Variants in WDPCP observed in about 807,000 individuals in gnomAD.
WDPCP encodes the protein WD repeat containing planar cell polarity effector.
WDPCP carries 71 observed loss-of-function variants against 93.1 expected under a neutral mutation model. The ratio of observed to expected loss-of-function variants is 0.76; its 90% CI spans 0.63 to 0.93. WDPCP has a LOEUF of 0.93. Ranked by LOEUF, WDPCP falls within the 40% of genes least tolerant of loss-of-function variation. The probability of loss-of-function intolerance (pLI) is 0.00; values close to 1 mark genes in which losing one functional copy is unlikely to be tolerated. For missense variants in WDPCP, 844 were observed against 887.4 expected (o/e 0.95, Z 0.62); for synonymous variants, 315 against 315.0 (o/e 1.00, Z 0.00).
rs538273466 is a variant in WDPCP, at chr2:63,609,236, G to A, written n.488+41423C>T. On this transcript the variant is annotated intron_variant and non_coding_transcript_variant, in intron 3 of 4. Coordinates refer to the WDPCP transcript ENST00000467687. ...ACAAAAATTAGTCGGGCATGGTGGC[G>A]CATGCCTGTAATCCCAGCTACTCAG... Among the ~76,000 whole-genome samples the A allele has an allele frequency of 4.7e-4, 72 of 152,100 alleles. 1 individual carries two copies. The highest frequency in any genetic ancestry group is 3.4e-3 in the Middle Eastern group (1 of 292).
At position 63,665,348 on chromosome 2, in the gene WDPCP, A is replaced by G. The variant is rs189833124; in HGVS notation, n.309-14510T>C. On this transcript the variant is annotated intron_variant and non_coding_transcript_variant, in intron 2 of 4. Coordinates refer to the WDPCP transcript ENST00000467687. The stretch of plus-strand genomic sequence containing the variant: ...CTGATGTTCCTTGGCCTGTAAATGC[A>G]TCGTCCCAATCTCTGCCTTCACATG... 2.0e-5 allele frequency among the ~76,000 whole-genome samples: 3 copies of G among 152,300 alleles called. No individual in the cohort carries two copies. The East Asian group carries it at 5.8e-4, about 29-fold the overall frequency.
At chr2:63,211,061 ACTT>A (rs1559206492) in intron 14 of WDPCP, among the ~76,000 whole-genome samples, 2 of 152,194 alleles carry the variant, frequency 1.3e-5, no homozygotes, top group African/African-American at 2.4e-5. Context: ...GGCAGCAGAA[ACTT>A]CTGCAGACTT....
At chr2:63,286,042 C>G (rs998721695) in intron 13 of WDPCP, among the ~76,000 whole-genome samples, 11 of 152,012 alleles carry the variant, frequency 7.2e-5, no homozygotes, top group Non-Finnish European at 1.6e-4. Context: ...GGGTCTTTCT[C>G]TGTCACCCAA....
At chr2:63,713,993 C>T (rs907772318) in intron 2 of WDPCP, among the ~76,000 whole-genome samples, 20 of 151,580 alleles carry the variant, frequency 1.3e-4, no homozygotes, top group Admixed American at 1.3e-3. Context: ...TCTGTCTGTT[C>T]AGGAGCAGAG....
At chr2:63,719,656 C>A (rs1002584367) in intron 2 of WDPCP, among the ~76,000 whole-genome samples, 1 of 151,988 alleles carries the variant, frequency 6.6e-6, no homozygotes, top group African/African-American at 2.4e-5. Flanking sequence ...GAGTGAGAGA[C>A]AACTTGTTCC....
intron 14 of WDPCP, among the ~76,000 whole-genome samples, chr2:63,243,203 A>G (rs989263770): frequency 3.3e-5 from 5 of 152,184 alleles, no homozygotes; most frequent in African/African-American, 9.7e-5. Flanking sequence ...TTGAATGGCC[A>G]TCTCTATTAC....
At chr2:63,744,322 C>A (rs934686188) in intron 2 of WDPCP, among the ~76,000 whole-genome samples, 10 of 152,126 alleles carry the variant, frequency 6.6e-5, no homozygotes, top group African/African-American at 2.4e-4. Flanking sequence ...TTCTTTTATG[C>A]TGGCCTTTGG....
rs149642037 is a variant in WDPCP, at chr2:63,614,809, G to C, written n.488+35850C>G. 2.2e-3 allele frequency among the ~76,000 whole-genome samples: 337 copies of C among 152,262 alleles called. 1 individual carries two copies. The highest frequency in any genetic ancestry group is 7.5e-3 in the African/African-American group (310 of 41,542). On this transcript the variant is annotated intron_variant and non_coding_transcript_variant, in intron 3 of 4. Coordinates refer to the WDPCP transcript ENST00000467687. ...GAGAGGAATTTCAAGAATCTGAACA[G>C]ACAGGCCTTGCTAGGTTTCTCCCCT... is the stretch of plus-strand genomic sequence containing the variant.
At chr2:63,390,904 T>C (rs955830906) in intron 10 of WDPCP, among the ~76,000 whole-genome samples, 6 of 152,158 alleles carry the variant, frequency 3.9e-5, no homozygotes, top group Non-Finnish European at 7.3e-5. Context: ...ATTAATAGCC[T>C]ACCAACCAAA....
At chr2:63,576,095 C>T (rs750057502) in intron 1 of WDPCP, among the ~76,000 whole-genome samples, 5 of 152,158 alleles carry the variant, frequency 3.3e-5, no homozygotes, top group Non-Finnish European at 2.9e-5. Flanking sequence ...ACCAGATGTA[C>T]GTGCATTTCT....
chr2:63,775,603 C>G (rs921324169), intron 2 of WDPCP, among the ~76,000 whole-genome samples: 2 of 152,194 alleles, frequency 1.3e-5, no homozygotes, highest in African/African-American at 4.8e-5. Flanking sequence ...TTAGTAGCTT[C>G]AGTCCCACTT....
intron 14 of WDPCP, among the ~76,000 whole-genome samples, chr2:63,222,617 G>C (rs1390534160): frequency 6.6e-6 from 1 of 152,176 alleles, no homozygotes; most frequent in Non-Finnish European, 1.5e-5. Flanking sequence ...GTAGTTTGCA[G>C]ACTATGCTTA....
intron 3 of WDPCP, among the ~76,000 whole-genome samples, chr2:63,620,604 G>A (rs1404811699): frequency 1.3e-5 from 2 of 152,222 alleles, no homozygotes; most frequent in Non-Finnish European, 2.9e-5. Context: ...AGCTTCAGCA[G>A]ATTTAAACGT....
At chr2:63,261,189 GT>G (rs70965114) in intron 13 of WDPCP, among the ~76,000 whole-genome samples, 89,790 of 138,620 alleles carry the variant, frequency 0.65, 30,435 homozygotes, top group African/African-American at 0.88. Flanking sequence ...TTTTTTTTCT[GT>G]TTTTTTTTTT....
intron 3 of WDPCP, chr2:63,642,927 C>T (rs1178584134): frequency 6.6e-6 from 1 of 152,168 alleles, no homozygotes; most frequent in East Asian, 1.9e-4. Flanking sequence ...TTCAGTTTTT[C>T]CCCATTTAGT....
At chr2:63,819,424 T>C (rs1319042620) in intron 1 of WDPCP, among the ~76,000 whole-genome samples, 1 of 151,968 alleles carries the variant, frequency 6.6e-6, no homozygotes, top group African/African-American at 2.4e-5. Context: ...GTCAGGTGGC[T>C]TGGGTTTCCC....
At chr2:63,666,610 C>T (rs1377377171) in intron 2 of WDPCP, among the ~76,000 whole-genome samples, 2 of 152,200 alleles carry the variant, frequency 1.3e-5, no homozygotes, top group Non-Finnish European at 2.9e-5. Context: ...GTCCTGTGTG[C>T]TAATGACTGA....
intron 12 of WDPCP, among the ~76,000 whole-genome samples, chr2:63,324,565 G>A (rs1349545861): frequency 6.6e-6 from 1 of 152,214 alleles, no homozygotes; most frequent in Non-Finnish European, 1.5e-5. Flanking sequence ...GGGTCTAGGG[G>A]AAACCTTCGA....
chr2:63,798,707 G>A (rs1180640735), intron 2 of WDPCP, among the ~76,000 whole-genome samples: 2 of 151,964 alleles, frequency 1.3e-5, no homozygotes, highest in Admixed American at 6.6e-5. Flanking sequence ...AAAAATGGCA[G>A]TAGTAAGTCT....
Sources: allele counts gnomAD v4.1 joint callset (sites outside exome capture counted in the v4.1 genomes callset), GRCh38; gene constraint gnomAD v4.1.1; transcripts MANE v1.5; gene names NCBI Gene and HGNC (gene_info 2026-07-23, HGNC 2026-07-21).